Variants in WWOX observed in about 807,000 individuals in gnomAD.
WWOX encodes WW domain-containing oxidoreductase.
Under a neutral mutation model 46.2 loss-of-function variants are expected in WWOX, and 69 were observed. The observed-to-expected ratio is 1.49, with a 90% CI of 1.23 to 1.82. The LOEUF is 1.82. WWOX is among the 40% of genes most tolerant of loss of function. The pLI is 0.00. For missense variants in WWOX, 919 were observed against 542.6 expected, an observed-to-expected ratio of 1.69 and a Z score of -6.89; for synonymous variants, 359 against 202.6, an observed-to-expected ratio of 1.77 and a Z score of -6.56.
chr16:79,122,539 C>A (rs2049659228), intron 8 of WWOX, among the ~76,000 whole-genome samples: 1 of 151,820 alleles, frequency 6.6e-6, no homozygotes, highest in Non-Finnish European at 1.5e-5. Context: ...CTCTATCCTT[C>A]CTTTTTGTCC....
intron 8 of WWOX, among the ~76,000 whole-genome samples, chr16:78,434,011 A>C (rs112518150): frequency 6.6e-6 from 1 of 151,136 alleles, no homozygotes; most frequent in Non-Finnish European, 1.5e-5. Flanking sequence ...GGATGGTCTC[A>C]ATCTCCTGAC....
At chr16:78,483,357 C>G (rs1190565503) in intron 8 of WWOX, among the ~76,000 whole-genome samples, 4 of 150,002 alleles carry the variant, frequency 2.7e-5, no homozygotes, top group Admixed American at 1.3e-4. Flanking sequence ...TCTGCAGAAG[C>G]ATTGGCTGAC....
intron 5 of WWOX, among the ~76,000 whole-genome samples, chr16:78,296,305 A>G (rs1176748125): frequency 2.0e-5 from 3 of 152,022 alleles, no homozygotes; most frequent in Non-Finnish European, 4.4e-5. Context: ...TTTACATTAA[A>G]AAAAACTCCT....
chr16:78,851,571 A>C (rs1208536372), intron 8 of WWOX, among the ~76,000 whole-genome samples: 3 of 152,148 alleles, frequency 2.0e-5, no homozygotes, highest in Non-Finnish European at 4.4e-5. Flanking sequence ...CATCTTTCCC[A>C]CTAGACGGTG....
intron 8 of WWOX, among the ~76,000 whole-genome samples, chr16:79,029,787 G>A (rs1220576471): frequency 1.3e-5 from 2 of 152,172 alleles, no homozygotes; most frequent in East Asian, 3.9e-4. Flanking sequence ...TGGATTTATT[G>A]GTCTTTGGAC....
chr16:78,457,269 G>A lies in WWOX; in HGVS notation c.1056+24517G>A, dbSNP rs543497316. On this transcript the variant is annotated intron_variant, in intron 8 of 8. Coordinates refer to ENST00000566780, the MANE Select transcript of WWOX (RefSeq NM_016373.4). ...ATCCAGAGGTAGCAAAAGCTCTCCT[G>A]CAAATATTCCATTGCACGACTTTAA... Among the ~76,000 whole-genome samples, 16 of 152,276 alleles carry A rather than the reference G, an allele frequency of 1.1e-4. No individual in the cohort carries two copies. In the South Asian group the frequency reaches 3.3e-3, roughly 32 times the overall value.
At chr16:78,890,112 C>G (rs947841313) in intron 8 of WWOX, 1 of 152,122 alleles carries the variant, frequency 6.6e-6, no homozygotes, top group Non-Finnish European at 1.5e-5. Context: ...TACACACATA[C>G]ACATACACAC....
chr16:78,748,982 C>G (rs1285717623), intron 8 of WWOX, among the ~76,000 whole-genome samples: 3 of 152,190 alleles, frequency 2.0e-5, no homozygotes, highest in African/African-American at 7.2e-5. Context: ...TGAACCTGAC[C>G]AAATCAACGA....
intron 8 of WWOX, among the ~76,000 whole-genome samples, chr16:78,674,913 C>A (rs1318485218): frequency 6.6e-6 from 1 of 151,486 alleles, no homozygotes; most frequent in East Asian, 1.9e-4. Flanking sequence ...AAGTTCAAGA[C>A]CAAGGTGTAT....
intron 8 of WWOX, among the ~76,000 whole-genome samples, chr16:78,611,080 A>T (rs1043694202): frequency 6.6e-6 from 1 of 152,226 alleles, no homozygotes; most frequent in African/African-American, 2.4e-5. Context: ...AAGTAAATGT[A>T]TATCCCAGTG....
chr16:79,153,118 T>A (rs2050313693), intron 8 of WWOX, among the ~76,000 whole-genome samples: 1 of 152,092 alleles, frequency 6.6e-6, no homozygotes, highest in Non-Finnish European at 1.5e-5. Flanking sequence ...ACGCTCAGGG[T>A]CATGGGCTTG....
chr16:78,151,847 T>G (rs567682566), intron 4 of WWOX, among the ~76,000 whole-genome samples: 6 of 152,164 alleles, frequency 3.9e-5, no homozygotes, highest in Non-Finnish European at 8.8e-5. Context: ...TTTAACCACT[T>G]TTGTGTCTTA....
intron 8 of WWOX, among the ~76,000 whole-genome samples, chr16:78,640,625 C>G (rs1666499782): frequency 6.6e-6 from 1 of 152,048 alleles, no homozygotes; most frequent in African/African-American, 2.4e-5. Context: ...ACATTGTACC[C>G]TGGAACTTAA....
At chr16:78,379,340 C>T (rs2085138421) in intron 5 of WWOX, among the ~76,000 whole-genome samples, 1 of 152,124 alleles carries the variant, frequency 6.6e-6, no homozygotes, top group South Asian at 2.1e-4. Context: ...TAAACAGCAA[C>T]CCTTCTCTCT....
intron 7 of WWOX, among the ~76,000 whole-genome samples, chr16:78,428,266 G>T (rs1165458924): frequency 6.6e-6 from 1 of 152,208 alleles, no homozygotes; most frequent in Non-Finnish European, 1.5e-5. Context: ...AATAGAGTCA[G>T]CAGCATCTAA....
intron 8 of WWOX, among the ~76,000 whole-genome samples, chr16:79,102,898 A>C (rs956185893): frequency 4.0e-5 from 6 of 150,862 alleles, no homozygotes; most frequent in African/African-American, 1.5e-4. Context: ...ACGCACATGC[A>C]ACCCTGGCTG....
intron 8 of WWOX, among the ~76,000 whole-genome samples, chr16:78,742,011 A>T (rs891047845): frequency 2.0e-5 from 3 of 151,642 alleles, no homozygotes; most frequent in Non-Finnish European, 4.4e-5. Flanking sequence ...CTCTCTTCCC[A>T]CCCCCTACGA....
chr16:78,789,977 T>G (rs990521013), intron 8 of WWOX, among the ~76,000 whole-genome samples: 2 of 152,332 alleles, frequency 1.3e-5, no homozygotes, highest in African/African-American at 4.8e-5. Context: ...TCAGTTTCCC[T>G]GACTATAAAA....
chr16:78,720,246 G>T (rs1322234127), intron 8 of WWOX, among the ~76,000 whole-genome samples: 2 of 151,394 alleles, frequency 1.3e-5, no homozygotes, highest in Non-Finnish European at 2.9e-5. Flanking sequence ...TAGACTTGAA[G>T]ATTATGTGCG....
Sources: allele counts gnomAD v4.1 joint callset (sites outside exome capture counted in the v4.1 genomes callset), GRCh38; gene constraint gnomAD v4.1.1; transcripts MANE v1.5; gene names NCBI Gene and HGNC (gene_info 2026-07-23, HGNC 2026-07-21).